The following PRKN variants were observed in gnomAD, a reference collection of about 807,000 sequenced individuals.
PRKN encodes E3 ubiquitin-protein ligase parkin.
A neutral mutation model predicts 59.5 loss-of-function variants in PRKN; 56 were observed. That is an observed-to-expected ratio of 0.94 (90% CI 0.76 to 1.18). PRKN has a LOEUF of 1.18. PRKN is among the 50% of genes most tolerant of loss of function. The pLI is 0.00. For missense variants in PRKN, 657 were observed against 596.4 expected (o/e 1.10, Z -1.06); for synonymous variants, 250 against 222.1 (o/e 1.13, Z -1.12).
chr6:161,744,180 G>GT (rs1045881046), intron 7 of PRKN, among the ~76,000 whole-genome samples: 48 of 147,216 alleles, frequency 3.3e-4, no homozygotes, highest in East Asian at 9.9e-4. Flanking sequence ...ATTATTTACT[G>GT]TTTTTTTTTC....
intron 1 of PRKN, among the ~76,000 whole-genome samples, chr6:162,460,506 GAATTTTAT>G (rs1236204093): frequency 6.6e-6 from 1 of 152,146 alleles, no homozygotes; most frequent in African/African-American, 2.4e-5. Context: ...TTAAATGGGT[GAATTTTAT>G]AGTATGTGAA....
chr6:161,519,891 G>T (rs1778756675), intron 9 of PRKN, among the ~76,000 whole-genome samples: 1 of 152,132 alleles, frequency 6.6e-6, no homozygotes, highest in Non-Finnish European at 1.5e-5. Flanking sequence ...TTGTCATTCA[G>T]TCTGAAACCA....
At chr6:162,552,515 C>T (rs1354933879) in intron 1 of PRKN, among the ~76,000 whole-genome samples, 3 of 151,632 alleles carry the variant, frequency 2.0e-5, no homozygotes, top group Admixed American at 6.6e-5. Context: ...TTTACTTCGG[C>T]AATTATGTGG....
At chr6:161,807,312 T>C (rs924747076) in intron 6 of PRKN, among the ~76,000 whole-genome samples, 2 of 151,910 alleles carry the variant, frequency 1.3e-5, no homozygotes, top group Non-Finnish European at 2.9e-5. Context: ...CATGCAAACA[T>C]ATATATACAC....
intron 4 of PRKN, among the ~76,000 whole-genome samples, chr6:162,057,693 G>C (rs1288862059): frequency 6.6e-6 from 1 of 152,176 alleles, no homozygotes; most frequent in Non-Finnish European, 1.5e-5. Flanking sequence ...TTGAACTATA[G>C]TTGCTTTAGC....
chr6:162,189,351 T>A (rs12173327), intron 4 of PRKN, among the ~76,000 whole-genome samples: 15,403 of 150,820 alleles, frequency 0.1, 929 homozygotes, highest in Admixed American at 0.2. Context: ...CAAAGTTGAT[T>A]CCTATTCTAA....
rs867991263 is a variant in PRKN, at chr6:161,593,523, G to A, written c.872-24107C>T. On this transcript the variant is annotated intron_variant, in intron 7 of 11. Transcript: ENST00000366898. This position sits in a 1 kb window ranked among gnomAD's most constrained non-coding sequence, Gnocchi z 4.8. ...TGTGGCCTGTGGTCAGCAGTGCAGC[G>A]GTCAGGTGGGAGGTGATGGCACCTG... Among the ~76,000 whole-genome samples the A allele has an allele frequency of 5.9e-5, 9 of 152,156 alleles. No homozygotes were observed. Among genetic ancestry groups the A allele is most frequent in the African/African-American group, 1.7e-4 (7 of 41,446 alleles).
chr6:161,400,148 GC>G lies in PRKN; in HGVS notation c.1084-13272del, dbSNP rs1191202770. Among the ~76,000 whole-genome samples the G allele has an allele frequency of 6.6e-6, 1 of 152,056 alleles. No individual in the cohort carries two copies. The highest frequency in any genetic ancestry group is 1.5e-5 in the Non-Finnish European group (1 of 68,028). The stretch of plus-strand genomic sequence containing the variant: ...ACCATGCTGGCCACCACGCTGGACT[GC>G]GCAGGTCTACAAGGACCCTGCTGTC... On this transcript the variant is annotated intron_variant, in intron 9 of 11. Coordinates refer to ENST00000366898, the MANE Select transcript of PRKN (RefSeq NM_004562.3). The surrounding 1 kb of genome is among the most constrained non-coding windows in gnomAD (Gnocchi z 4.2).
At chr6:162,160,339 A>C (rs1295371019) in intron 4 of PRKN, among the ~76,000 whole-genome samples, 1 of 152,188 alleles carries the variant, frequency 6.6e-6, no homozygotes, top group East Asian at 1.9e-4. Flanking sequence ...ATGCTTATTA[A>C]AATTCTAGCA....
intron 7 of PRKN, among the ~76,000 whole-genome samples, chr6:161,601,057 A>G (rs1782087583): frequency 6.6e-6 from 1 of 152,230 alleles, no homozygotes; most frequent in African/African-American, 2.4e-5. Flanking sequence ...ATCCTAAACT[A>G]TATGAATCTT....
At chr6:162,296,923 T>A (rs1781700791) in intron 2 of PRKN, among the ~76,000 whole-genome samples, 1 of 151,960 alleles carries the variant, frequency 6.6e-6, no homozygotes, top group African/African-American at 2.4e-5. Flanking sequence ...TAAAAAAGAA[T>A]AAAATCTGAA....
chr6:161,447,172 T>C lies in PRKN; in HGVS notation c.1084-60295A>G, dbSNP rs1451002743. Among the ~76,000 whole-genome samples, 1 of 152,214 alleles carries C rather than the reference T, an allele frequency of 6.6e-6. No individual in the cohort carries two copies. Among genetic ancestry groups the C allele is most frequent in the Non-Finnish European group, 1.5e-5 (1 of 68,028 alleles). ...TGCTACTAGGACAGTTAAGTCCCCC[T>C]GTGAAGTTAACCGAAAGCTGCTTTT... is the stretch of plus-strand genomic sequence containing the variant. On this transcript the variant is annotated intron_variant, in intron 9 of 11. Transcript: ENST00000366898. This position sits in a 1 kb window ranked among gnomAD's most constrained non-coding sequence, Gnocchi z 4.1.
intron 6 of PRKN, among the ~76,000 whole-genome samples, chr6:161,914,942 G>C (rs11756721): frequency 0.084 from 12,772 of 152,100 alleles, 824 homozygotes; most frequent in East Asian, 0.34. Context: ...TCTGAATTTA[G>C]ATGGGAGAAA....
chr6:161,768,925 C>T (rs1405723623), intron 7 of PRKN, among the ~76,000 whole-genome samples: 2 of 152,170 alleles, frequency 1.3e-5, no homozygotes, highest in African/African-American at 2.4e-5. Flanking sequence ...GCTATTTATA[C>T]TCCTACATAT....
At chr6:161,726,902 G>C (rs1787464048) in intron 7 of PRKN, among the ~76,000 whole-genome samples, 1 of 152,080 alleles carries the variant, frequency 6.6e-6, no homozygotes, top group African/African-American at 2.4e-5. Context: ...TCTTTGTTTG[G>C]CTCTTCCAAA....
chr6:162,567,049 T>C (rs1286319562), intron 1 of PRKN, among the ~76,000 whole-genome samples: 1 of 152,144 alleles, frequency 6.6e-6, no homozygotes, highest in Non-Finnish European at 1.5e-5. Context: ...AAGCATTTAA[T>C]AAAATTCAAC....
intron 6 of PRKN, among the ~76,000 whole-genome samples, chr6:161,825,827 G>T (rs1173907484): frequency 6.6e-6 from 1 of 152,112 alleles, no homozygotes; most frequent in Non-Finnish European, 1.5e-5. Context: ...CCAAGTTGTG[G>T]TTTCTTCCTT....
chr6:161,939,004 A>T (rs1178761658), intron 6 of PRKN, among the ~76,000 whole-genome samples: 1 of 152,194 alleles, frequency 6.6e-6, no homozygotes, highest in Non-Finnish European at 1.5e-5. Context: ...ACTTTGTTTT[A>T]AAAAATTATA....
In PRKN at chr6:161,400,282, T is replaced by C. The variant is rs1287654550; in HGVS notation, c.1084-13405A>G. Among the ~76,000 whole-genome samples, 2 of 151,586 alleles carry C rather than the reference T, an allele frequency of 1.3e-5. No individual in the cohort carries two copies. Among genetic ancestry groups the C allele is most frequent in the African/African-American group, 2.4e-5 (1 of 41,244 alleles). ...AGTAGGATGAGGTGAGCTGGGGACATGGGGAAGATTAGAAAATTAAACCTA... is the reference window on the plus strand; with the variant it reads ...AGTAGGATGAGGTGAGCTGGGGACACGGGGAAGATTAGAAAATTAAACCTA... On this transcript the variant is annotated intron_variant, in intron 9 of 11. Coordinates refer to ENST00000366898, the MANE Select transcript of PRKN (RefSeq NM_004562.3). The surrounding 1 kb of genome is among the most constrained non-coding windows in gnomAD (Gnocchi z 4.2).
Sources: gnomAD v4.1 joint callset for allele counts (sites outside exome capture counted in the v4.1 genomes callset) on GRCh38, gnomAD v4.1.1 for gene constraint, Gnocchi (gnomAD v3.1) non-coding constraint, MANE v1.5 for transcripts, NCBI Gene and HGNC (gene_info 2026-07-23, HGNC 2026-07-21) for gene names.